The following CDH13 variants were observed in gnomAD, a reference collection of about 807,000 sequenced individuals.
The protein encoded by CDH13 is cadherin 13.
CDH13 carries 24 observed loss-of-function variants against 63.8 expected under a neutral mutation model. The observed-to-expected ratio is 0.38, with a 90% CI of 0.27 to 0.53. The LOEUF (loss-of-function observed/expected upper bound fraction) is 0.53. Ranked by LOEUF, CDH13 falls within the 20% of genes least tolerant of loss-of-function variation. The pLI, the probability that CDH13 is intolerant of heterozygous loss-of-function variation, is 0.85. For synonymous variants in CDH13, 503 were observed against 355.3 expected, an observed-to-expected ratio of 1.42 and a Z score of -4.67; for missense variants, 1,049 against 903.1, an observed-to-expected ratio of 1.16 and a Z score of -2.07.
intron 2 of CDH13, among the ~76,000 whole-genome samples, chr16:83,002,013 T>G (rs1241029949): frequency 1.3e-5 from 2 of 152,224 alleles, no homozygotes; most frequent in Non-Finnish European, 2.9e-5. Context: ...ACTCATTCAT[T>G]TATTCAACAA....
At chr16:83,538,787 GA>G (rs1567748017) in intron 7 of CDH13, among the ~76,000 whole-genome samples, 1 of 152,112 alleles carries the variant, frequency 6.6e-6, no homozygotes, top group Non-Finnish European at 1.5e-5. Flanking sequence ...TATTAAACTG[GA>G]ATAACCCATG....
chr16:83,109,406 C>G (rs924286596), intron 3 of CDH13, among the ~76,000 whole-genome samples: 1 of 152,018 alleles, frequency 6.6e-6, no homozygotes, highest in African/African-American at 2.4e-5. Context: ...TGGGAAGGGC[C>G]GGATTTTCAG....
intron 1 of CDH13, among the ~76,000 whole-genome samples, chr16:82,701,658 C>T (rs1032476453): frequency 1.3e-5 from 2 of 152,008 alleles, no homozygotes; most frequent in Non-Finnish European, 1.5e-5. Context: ...GTGGTGATAA[C>T]GTGGCTTCCA....
At chr16:83,454,261 T>A (rs1333034437) in intron 6 of CDH13, among the ~76,000 whole-genome samples, 1 of 152,236 alleles carries the variant, frequency 6.6e-6, no homozygotes, top group Non-Finnish European at 1.5e-5. Flanking sequence ...TGGGCATAGC[T>A]TGTGGGTGTC....
chr16:83,439,360 A>T (rs1282195457), intron 6 of CDH13, among the ~76,000 whole-genome samples: 1 of 152,224 alleles, frequency 6.6e-6, no homozygotes, highest in Non-Finnish European at 1.5e-5. Context: ...TTGATTGCTC[A>T]TTGCAATGGG....
At chr16:83,594,384 C>T (rs1356817071) in intron 7 of CDH13, among the ~76,000 whole-genome samples, 2 of 152,182 alleles carry the variant, frequency 1.3e-5, no homozygotes, top group East Asian at 1.9e-4. Context: ...GCTGGGATCA[C>T]TCAGCTACTA....
At chr16:83,416,398 T>G (rs1438404744) in intron 6 of CDH13, among the ~76,000 whole-genome samples, 7 of 152,240 alleles carry the variant, frequency 4.6e-5, no homozygotes, top group African/African-American at 1.7e-4. Context: ...TGGAGCTTCT[T>G]CCTTCTTTTT....
intron 5 of CDH13, among the ~76,000 whole-genome samples, chr16:83,307,892 T>C (rs1164683726): frequency 6.6e-6 from 1 of 152,216 alleles, no homozygotes; most frequent in South Asian, 2.1e-4. Context: ...ACTTCCATGC[T>C]GAGATCTATG....
intron 6 of CDH13, among the ~76,000 whole-genome samples, chr16:83,371,588 G>T (rs985763537): frequency 1.3e-5 from 2 of 152,060 alleles, no homozygotes; most frequent in Non-Finnish European, 2.9e-5. Context: ...AGCAATACCT[G>T]GTACGTTTCC....
chr16:83,524,466 T>C (rs1489850266), intron 7 of CDH13, among the ~76,000 whole-genome samples: 5 of 144,064 alleles, frequency 3.5e-5, no homozygotes, highest in Non-Finnish European at 6.0e-5. Context: ...TTTTTTTTTT[T>C]TTTTGAGATG....
chr16:83,469,877 T>G (rs2073411393), intron 6 of CDH13, among the ~76,000 whole-genome samples: 1 of 152,228 alleles, frequency 6.6e-6, no homozygotes, highest in Non-Finnish European at 1.5e-5. Flanking sequence ...AAATACAATG[T>G]GTGCATTACA....
chr16:83,684,687 G>C (rs1904286965), intron 10 of CDH13, among the ~76,000 whole-genome samples: 1 of 152,188 alleles, frequency 6.6e-6, no homozygotes, highest in Non-Finnish European at 1.5e-5. Flanking sequence ...GAATATAGAA[G>C]ATATGTGTTG....
intron 1 of CDH13, among the ~76,000 whole-genome samples, chr16:82,652,905 G>A (rs1910893002): frequency 6.6e-6 from 1 of 152,164 alleles, no homozygotes; most frequent in Non-Finnish European, 1.5e-5. Context: ...CAAACTGACA[G>A]TGTATGTTCT....
chr16:82,838,707 T>A (rs1267561120), intron 1 of CDH13, among the ~76,000 whole-genome samples: 1 of 152,202 alleles, frequency 6.6e-6, no homozygotes, highest in African/African-American at 2.4e-5. Context: ...TGTGGGGACC[T>A]CTATTTTCAC....
At chr16:83,465,555 G>A (rs2073291841) in intron 6 of CDH13, among the ~76,000 whole-genome samples, 1 of 152,208 alleles carries the variant, frequency 6.6e-6, no homozygotes, top group Non-Finnish European at 1.5e-5. Flanking sequence ...TCAAGTCAAT[G>A]GAAGCCGCCT....
intron 3 of CDH13, among the ~76,000 whole-genome samples, chr16:83,085,768 G>A (rs926030688): frequency 9.9e-5 from 15 of 152,166 alleles, no homozygotes; most frequent in East Asian, 3.8e-4. Flanking sequence ...TTTGGGAAAC[G>A]TTATTTTCTT....
chr16:83,565,147 A>G (rs1169442774), intron 7 of CDH13, among the ~76,000 whole-genome samples: 1 of 152,034 alleles, frequency 6.6e-6, no homozygotes, highest in Non-Finnish European at 1.5e-5. Flanking sequence ...CTTCAGGCCC[A>G]GTGATCCTTT....
intron 10 of CDH13, among the ~76,000 whole-genome samples, chr16:83,682,533 G>C (rs908382049): frequency 4.6e-5 from 7 of 152,184 alleles, no homozygotes; most frequent in African/African-American, 1.7e-4. Flanking sequence ...AGCTTTGCTT[G>C]AATGAGCTCA....
chr16:83,102,965 T>TTTTTTTTTTTTTTTTTTC (rs2034570357), intron 3 of CDH13, among the ~76,000 whole-genome samples: 4 of 107,860 alleles, frequency 3.7e-5, no homozygotes, highest in East Asian at 2.8e-4. Flanking sequence ...TTTTTTTTTT[T>TTTTTTTTTTTTTTTTTTC]TTTTTGAGGT....
Sources: gnomAD v4.1 joint callset for allele counts (sites outside exome capture counted in the v4.1 genomes callset) on GRCh38, gnomAD v4.1.1 for gene constraint, MANE v1.5 for transcripts, NCBI Gene and HGNC (gene_info 2026-07-23, HGNC 2026-07-21) for gene names.